The following AKAP6 variants were observed in gnomAD, a reference collection of about 807,000 sequenced individuals.
AKAP6 encodes the protein A-kinase anchoring protein 6, also known as A-kinase anchor protein 6.
AKAP6 carries 58 observed loss-of-function variants against 188.5 expected under a neutral mutation model. The observed-to-expected ratio is 0.31, with a 90% CI of 0.25 to 0.38. The LOEUF is 0.38. Ranked by LOEUF, AKAP6 falls within the 10% of genes least tolerant of loss-of-function variation. The pLI, the probability that AKAP6 is intolerant of heterozygous loss-of-function variation, is 1.00. For missense variants in AKAP6, 2,710 were observed against 2,740.0 expected, an observed-to-expected ratio of 0.99 and a Z score of 0.24; for synonymous variants, 989 against 998.6, an observed-to-expected ratio of 0.99 and a Z score of 0.18.
chr14:32,450,724 A>G (rs1890911490), intron 2 of AKAP6, among the ~76,000 whole-genome samples: 1 of 152,080 alleles, frequency 6.6e-6, no homozygotes. Flanking sequence ...TTATACTGCA[A>G]GTTTGCTCCT....
chr14:32,336,283 C>G (rs1432898543), intron 1 of AKAP6, among the ~76,000 whole-genome samples: 1 of 152,002 alleles, frequency 6.6e-6, no homozygotes, highest in Non-Finnish European at 1.5e-5. Context: ...CTTGCCACCT[C>G]TTAGAAGCCT....
chr14:32,732,767 C>A, intron 10 of AKAP6, 167 bp downstream of exon 10: 1 of 779,346 alleles, frequency 1.3e-6, no homozygotes, highest in Non-Finnish European at 2.0e-6. Flanking sequence ...TGCTTTTCCT[C>A]TTCTGTTGAT....
chr14:32,350,814 ACAGATT>A (rs1333794726), intron 1 of AKAP6, among the ~76,000 whole-genome samples: 1 of 152,146 alleles, frequency 6.6e-6, no homozygotes, highest in African/African-American at 2.4e-5. Context: ...ACAGGGTAAT[ACAGATT>A]TATTTTTTAA....
At chr14:32,378,777 T>G (rs1393651500) in intron 1 of AKAP6, among the ~76,000 whole-genome samples, 1 of 152,212 alleles carries the variant, frequency 6.6e-6, no homozygotes, top group African/African-American at 2.4e-5. Flanking sequence ...TAAATGGAAA[T>G]ACTTTTATTT....
chr14:32,795,111 A>G (rs903862906), intron 12 of AKAP6, among the ~76,000 whole-genome samples: 12 of 152,222 alleles, frequency 7.9e-5, no homozygotes, highest in African/African-American at 2.7e-4. Flanking sequence ...GAATAGACCA[A>G]TAATGAGTTC....
At chr14:32,614,719 A>T (rs541143923) in intron 7 of AKAP6, among the ~76,000 whole-genome samples, 9 of 152,238 alleles carry the variant, frequency 5.9e-5, no homozygotes, top group African/African-American at 1.4e-4. Context: ...TGTGTGGTCC[A>T]GGTGAAGTGG....
intron 1 of AKAP6, among the ~76,000 whole-genome samples, chr14:32,366,165 C>G (rs1031261650): frequency 1.3e-5 from 2 of 152,170 alleles, no homozygotes; most frequent in Non-Finnish European, 2.9e-5. Context: ...TTTGCACCCC[C>G]TCCATGAAGA....
At chr14:32,349,269 T>G (rs1194322511) in intron 1 of AKAP6, among the ~76,000 whole-genome samples, 4 of 80,646 alleles carry the variant, frequency 5.0e-5, no homozygotes, top group Non-Finnish European at 8.2e-5. Context: ...GTATAGGAGT[T>G]TTTTTTCTTT....
intron 9 of AKAP6, among the ~76,000 whole-genome samples, chr14:32,696,794 TAAA>T (rs202150922): frequency 7.3e-6 from 1 of 137,756 alleles, no homozygotes; most frequent in Admixed American, 7.3e-5. Flanking sequence ...TGATTTTGCC[TAAA>T]AAAAAAAAAA....
At chr14:32,580,804 T>C (rs1884929886) in intron 5 of AKAP6, among the ~76,000 whole-genome samples, 1 of 151,910 alleles carries the variant, frequency 6.6e-6, no homozygotes. Flanking sequence ...ACATGCGGTG[T>C]TCGTTTTTTG....
chr14:32,529,928 C>G (rs1357002104), intron 2 of AKAP6, among the ~76,000 whole-genome samples: 2 of 144,422 alleles, frequency 1.4e-5, no homozygotes, highest in African/African-American at 5.1e-5. Context: ...CTGTAATAAA[C>G]ACATACACAT....
intron 5 of AKAP6, among the ~76,000 whole-genome samples, chr14:32,578,330 A>G (rs891206530): frequency 3.3e-5 from 5 of 152,168 alleles, no homozygotes; most frequent in Admixed American, 1.3e-4. Context: ...CTGCATGCAA[A>G]TAGCCTTGCA....
intron 11 of AKAP6, among the ~76,000 whole-genome samples, chr14:32,769,561 T>C (rs201023387): frequency 1.3e-5 from 2 of 150,050 alleles, no homozygotes; most frequent in Non-Finnish European, 3.0e-5. Context: ...GGTTTTTTTT[T>C]TTTTTTTTTT....
At chr14:32,487,805 TC>T (rs747000510) in intron 2 of AKAP6, among the ~76,000 whole-genome samples, 10 of 152,222 alleles carry the variant, frequency 6.6e-5, no homozygotes, top group Admixed American at 2.0e-4. Context: ...AGGCCCCTCT[TC>T]TGCAGGTCTG....
intron 5 of AKAP6, among the ~76,000 whole-genome samples, chr14:32,592,941 G>C (rs7146855): frequency 0.039 from 5,843 of 151,052 alleles, 349 homozygotes; most frequent in African/African-American, 0.13. Context: ...CCATTCTACA[G>C]CATGTCATAA....
intron 9 of AKAP6, chr14:32,718,277 A>T: frequency 1.0e-6 from 1 of 985,344 alleles, no homozygotes; most frequent in Non-Finnish European, 1.2e-6. Context: ...AGAACAATCC[A>T]TTGAAATGAC....
At chr14:32,600,066 G>T (rs1280990276) in intron 6 of AKAP6, among the ~76,000 whole-genome samples, 1 of 152,094 alleles carries the variant, frequency 6.6e-6, no homozygotes, top group African/African-American at 2.4e-5. Flanking sequence ...TTGTCATTTG[G>T]TTATACTTAT....
At chr14:32,786,644 A>G (rs551387627) in intron 12 of AKAP6, among the ~76,000 whole-genome samples, 55 of 152,106 alleles carry the variant, frequency 3.6e-4, no homozygotes, top group Admixed American at 3.0e-3. Context: ...TCTTAAAAGC[A>G]AGAAAAATTT....
chr14:32,433,268 C>G, intron 1 of AKAP6, 192 bp from the exon 2 acceptor site: 3 of 497,748 alleles, frequency 6.0e-6, no homozygotes. Flanking sequence ...GTTTTATGTT[C>G]ATATTATTTC....
Sources: gnomAD v4.1 joint callset for allele counts (sites outside exome capture counted in the v4.1 genomes callset) on GRCh38, gnomAD v4.1.1 for gene constraint, MANE v1.5 for transcripts, NCBI Gene and HGNC (gene_info 2026-07-23, HGNC 2026-07-21) for gene names.